Variants in TMEM67 observed in about 807,000 individuals in gnomAD.
TMEM67 encodes transmembrane protein 67, also known as meckelin.
Under a neutral mutation model 136.6 loss-of-function variants are expected in TMEM67, and 124 were observed. The ratio of observed to expected loss-of-function variants is 0.91; its 90% confidence interval spans 0.78 to 1.05. The LOEUF (loss-of-function observed/expected upper bound fraction) is 1.05. Among genes scored for constraint, TMEM67 ranks in the 50% least tolerant of loss-of-function variants. The pLI, the probability that TMEM67 is intolerant of heterozygous loss-of-function variation, is 0.00. For missense variants in TMEM67, 1,107 were observed against 1,178.4 expected, an observed-to-expected ratio of 0.94 and a Z score of 0.89; for synonymous variants, 364 against 390.5, an observed-to-expected ratio of 0.93 and a Z score of 0.80.
At chr8:93,767,496 C>T (rs567881341) in intron 6 of TMEM67, among the ~76,000 whole-genome samples, 254 of 152,296 alleles carry the variant, frequency 1.7e-3, no homozygotes, top group Non-Finnish European at 2.5e-3. Context: ...TTTTGGATTT[C>T]CATCCACATT....
intron 4 of TMEM67, 88 bp downstream of exon 4, chr8:93,764,029 C>A: frequency 2.2e-6 from 2 of 894,160 alleles, no homozygotes; most frequent in Non-Finnish European, 3.7e-6. Flanking sequence ...CCTATCATAT[C>A]ACTTAGTTTT....
At chr8:93,760,000 A>G (rs555790383) in intron 3 of TMEM67, 44 of 1,496,962 alleles carry the variant, frequency 2.9e-5, no homozygotes, top group Non-Finnish European at 3.6e-5. Context: ...ATTTGTGAGT[A>G]TTACTGAGGG....
downstream of TMEM67, among the ~76,000 whole-genome samples, chr8:93,824,057 T>C (rs1277400048): frequency 6.6e-6 from 1 of 152,214 alleles, no homozygotes; most frequent in Admixed American, 6.5e-5. Context: ...TGATCTTGTT[T>C]TCATGTTGGC....
intron 15 of TMEM67, chr8:93,791,861 C>T: frequency 6.6e-6 from 1 of 152,560 alleles, no homozygotes; most frequent in Non-Finnish European, 1.5e-5. Flanking sequence ...CTTATTCTCC[C>T]CCTCTCATTT....
intron 6 of TMEM67, among the ~76,000 whole-genome samples, chr8:93,771,988 G>A (rs1276104780): frequency 6.6e-6 from 1 of 152,172 alleles, no homozygotes; most frequent in Non-Finnish European, 1.5e-5. Context: ...ATTTTAGCAA[G>A]ATGTACAGAT....
intron 26 of TMEM67, among the ~76,000 whole-genome samples, chr8:93,813,430 C>A (rs536855568): frequency 6.6e-6 from 1 of 152,148 alleles, no homozygotes; most frequent in South Asian, 2.1e-4. Flanking sequence ...CTGCCCACCT[C>A]GGCCTCCCAA....
intron 7 of TMEM67, among the ~76,000 whole-genome samples, chr8:93,774,089 A>G (rs1031788992): frequency 4.6e-5 from 7 of 151,782 alleles, no homozygotes; most frequent in African/African-American, 1.5e-4. Context: ...ATCTCGACTC[A>G]CTGCAACCTC....
rs1471690403 is a variant in TMEM67, at chr8:93,755,158, C to T, written c.223+21C>T. On this transcript the variant is annotated intron_variant, in intron 1 of 27. Coordinates refer to ENST00000453321, the MANE Select transcript of TMEM67 (RefSeq NM_153704.6). The stretch of plus-strand genomic sequence containing the variant: ...CCGAGGTAAGACGGTTTGCGGTGGG[C>T]CCTGGCAAAAGTAACACTCCCGCCT... The T allele has an allele frequency of 1.9e-6, 3 of 1,608,990 alleles. No individual in the cohort carries two copies. The South Asian group carries it at 3.3e-5, about 18-fold the overall frequency.
At chr8:93,816,098 A>G (rs1454136265) in intron 27 of TMEM67, among the ~76,000 whole-genome samples, 1 of 152,202 alleles carries the variant, frequency 6.6e-6, no homozygotes, top group Non-Finnish European at 1.5e-5. Context: ...CTTAGAAGAA[A>G]GTTGCCTTTC....
At chr8:93,809,945 G>C (rs1808633287) in intron 26 of TMEM67, 58 bp downstream of exon 26, 1 of 1,047,880 alleles carries the variant, frequency 9.5e-7, no homozygotes, top group East Asian at 2.5e-5. Flanking sequence ...TGAGAAAAAA[G>C]TGCTTGTAGA....
At chr8:93,780,785 G>A (rs755642408) in intron 8 of TMEM67, 38 bp downstream of exon 8, 2 of 1,610,386 alleles carry the variant, frequency 1.2e-6, no homozygotes, top group Non-Finnish European at 1.7e-6. Context: ...TATTTTGACT[G>A]AATTCAGTGC....
intron 21 of TMEM67, 77 bp downstream of exon 21, chr8:93,799,835 C>A: frequency 1.1e-5 from 12 of 1,127,468 alleles, no homozygotes; most frequent in African/African-American, 1.6e-5. Context: ...TGATTATCAT[C>A]AAATATTGAC....
At position 93,755,896 on chromosome 8, in the gene TMEM67, C is replaced by G. The variant is rs74712633; in HGVS notation, c.312+30C>G. ...GCATAATTTATTTTAAAATAACTTA[C>G]CTGTAAAAAGTAGTAAGTTAAATAT... On this transcript the variant is annotated intron_variant, in intron 2 of 27. Coordinates refer to ENST00000453321, the MANE Select transcript of TMEM67 (RefSeq NM_153704.6). 11,751 of 1,271,874 alleles carry G rather than the reference C, an allele frequency of 9.2e-3. 130 individuals are homozygous for G. The highest frequency in any genetic ancestry group is 0.029 in the East Asian group (1,209 of 42,380). The allele number at this position is 1,271,874 out of a possible 1,614,324, so 78.8% of individuals were successfully genotyped here.
intron 7 of TMEM67, among the ~76,000 whole-genome samples, chr8:93,773,934 T>A (rs1338429137): frequency 6.6e-6 from 1 of 152,146 alleles, no homozygotes; most frequent in African/African-American, 2.4e-5. Context: ...TCTTCCCAAG[T>A]GGAAAGTTTA....
At chr8:93,755,197 GT>G (rs1260229163) in intron 1 of TMEM67, 60 bp downstream of exon 1, 22 of 1,470,902 alleles carry the variant, frequency 1.5e-5, no homozygotes, top group African/African-American at 2.8e-5. Context: ...TCGGCCCCTA[GT>G]CCCCGTAAAT....
Position 93,803,680 on chromosome 8 carries a change from G to C in TMEM67, c.2318G>C (p.Ser773Thr), listed in dbSNP as rs748909800. 1 of 1,533,624 alleles carries C rather than the reference G, an allele frequency of 6.5e-7. No homozygotes were observed. Among genetic ancestry groups the C allele is most frequent in the South Asian group, 1.1e-5 (1 of 89,346 alleles). Residue 773 changes from serine to threonine, a missense_variant, in exon 22 of 28, where the codon AGT becomes ACT. By Grantham distance (58) the Ser-to-Thr change is moderately conservative. This residue lies in a region of TMEM67 where 925 missense variants were observed against 1,002.4 expected (regional missense o/e 0.92). Transcript: ENST00000453321. ...IRQFVDLCSMSNISVFLLSHK... is the reference protein window; with the variant it reads ...IRQFVDLCSMTNISVFLLSHK... ...CAGTTCGTTGATTTATGCTCTATGAGTAATGTAAGTACTTTCTGACTTCAT... is the reference window on the plus strand; with the variant it reads ...CAGTTCGTTGATTTATGCTCTATGACTAATGTAAGTACTTTCTGACTTCAT...
rs1168626523 is a variant in TMEM67, at chr8:93,803,613, T to C, written c.2251T>C (p.Phe751Leu). Residue 751 changes from phenylalanine (F) to leucine (L), a missense_variant, in exon 22 of 28, where the codon TTT (phenylalanine) becomes CTT (leucine). Physicochemically the swap from Phe to Leu is conservative, Grantham distance 22. Coordinates refer to ENST00000453321, the MANE Select transcript of TMEM67 (RefSeq NM_153704.6). ...LAIGIIQVVF[F>L]AVFYERFIED... is the part of the protein sequence containing the mutation. ...TGACTTAATGTTTCAGGTCGTGTTC[T>C]TTGCTGTCTTTTATGAGAGATTTAT... The C allele has an allele frequency of 1.9e-6, 3 of 1,597,416 alleles. No homozygotes were observed. Among genetic ancestry groups the C allele is most frequent in the African/African-American group, 2.7e-5 (2 of 74,602 alleles).
chr8:93,786,603 G>GAA (rs1019582923), intron 13 of TMEM67, among the ~76,000 whole-genome samples: 2 of 152,162 alleles, frequency 1.3e-5, no homozygotes, highest in Non-Finnish European at 2.9e-5. Context: ...AATGGGTTGC[G>GAA]AATAGCTAAG....
chr8:93,814,566 A>C (rs115509377), intron 26 of TMEM67, among the ~76,000 whole-genome samples: 2,796 of 151,718 alleles, frequency 0.018, 86 homozygotes, highest in African/African-American at 0.062. Context: ...TCCTTGGTTC[A>C]TGCAGTCCTC....
Sources: allele counts gnomAD v4.1 joint callset (sites outside exome capture counted in the v4.1 genomes callset), GRCh38; gene constraint gnomAD v4.1.1; regional missense constraint gnomAD v4.1.1; transcripts MANE v1.5; gene names NCBI Gene and HGNC (gene_info 2026-07-23, HGNC 2026-07-21).